Variants in SLC35F4 observed in about 807,000 individuals in gnomAD.
The protein encoded by SLC35F4 is solute carrier family 35 member F4.
A neutral mutation model predicts 44.2 loss-of-function variants in SLC35F4; 24 were observed. That is an observed-to-expected ratio of 0.54 (90% CI 0.39 to 0.76). The LOEUF (loss-of-function observed/expected upper bound fraction) is 0.76, where lower values mean the gene tolerates loss of function less well. Among genes scored for constraint, SLC35F4 ranks in the 30% least tolerant of loss-of-function variants. The probability of loss-of-function intolerance (pLI) is 0.00; values close to 1 mark genes in which losing one functional copy is unlikely to be tolerated. For synonymous variants in SLC35F4, 238 were observed against 223.6 expected, an observed-to-expected ratio of 1.06 and a Z score of -0.57; for missense variants, 562 against 586.1, an observed-to-expected ratio of 0.96 and a Z score of 0.42.
At chr14:57,791,503 G>A (rs964239993) in intron 1 of SLC35F4, among the ~76,000 whole-genome samples, 3 of 152,186 alleles carry the variant, frequency 2.0e-5, no homozygotes, top group Non-Finnish European at 1.5e-5. Flanking sequence ...AGGATGTGGA[G>A]AAAGAGGAAT....
intron 1 of SLC35F4, among the ~76,000 whole-genome samples, chr14:57,747,184 G>A (rs1289435295): frequency 6.6e-6 from 1 of 152,156 alleles, no homozygotes; most frequent in Non-Finnish European, 1.5e-5. Flanking sequence ...CAAAGGGCCT[G>A]GCTGTTATGA....
intron 1 of SLC35F4, among the ~76,000 whole-genome samples, chr14:57,873,046 C>T (rs952218464): frequency 3.3e-5 from 5 of 152,166 alleles, no homozygotes; most frequent in Non-Finnish European, 5.9e-5. Flanking sequence ...GCAGCTGTAA[C>T]AGTAGTTGCA....
intron 1 of SLC35F4, among the ~76,000 whole-genome samples, chr14:57,671,062 G>GC (rs199905957): frequency 0.026 from 3,889 of 151,770 alleles, 183 homozygotes; most frequent in African/African-American, 0.088. Flanking sequence ...ACACCACCAT[G>GC]CCACCTAATT....
chr14:57,782,525 A>G (rs990732995), intron 1 of SLC35F4, among the ~76,000 whole-genome samples: 4 of 152,222 alleles, frequency 2.6e-5, no homozygotes, highest in East Asian at 3.8e-4. Flanking sequence ...GAGACCATAC[A>G]TGGTGGTGTT....
intron 1 of SLC35F4, among the ~76,000 whole-genome samples, chr14:57,957,674 G>A (rs1890264076): frequency 6.6e-6 from 1 of 152,114 alleles, no homozygotes; most frequent in African/African-American, 2.4e-5. Context: ...CCAGAGGATA[G>A]AGGCAGAGAA....
intron 1 of SLC35F4, among the ~76,000 whole-genome samples, chr14:57,729,326 C>T (rs921787401): frequency 6.6e-6 from 1 of 152,232 alleles, no homozygotes; most frequent in African/African-American, 2.4e-5. Context: ...TTTACCGTAG[C>T]CACAAGAGCT....
At chr14:57,957,278 G>A (rs879477137) in intron 1 of SLC35F4, among the ~76,000 whole-genome samples, 6 of 152,034 alleles carry the variant, frequency 3.9e-5, no homozygotes, top group Non-Finnish European at 7.4e-5. Context: ...ATCACACACC[G>A]GGGACTGTCA....
intron 1 of SLC35F4, among the ~76,000 whole-genome samples, chr14:57,676,796 A>T (rs2074710107): frequency 6.6e-6 from 1 of 152,050 alleles, no homozygotes; most frequent in South Asian, 2.1e-4. Flanking sequence ...AAAAGAGAAC[A>T]CTTTTACACT....
intron 1 of SLC35F4, among the ~76,000 whole-genome samples, chr14:57,843,141 C>T (rs532102778): frequency 6.6e-5 from 10 of 152,166 alleles, no homozygotes; most frequent in Non-Finnish European, 1.5e-4. Context: ...GGCTTCCTTG[C>T]TCCTCAGCTT....
At chr14:57,630,605 C>A in intron 1 of SLC35F4, 1 of 850,560 alleles carries the variant, frequency 1.2e-6, no homozygotes, top group South Asian at 1.3e-5. Flanking sequence ...CACCTAGATC[C>A]AAATCTCAGT....
At chr14:57,740,407 T>G (rs2076575831) in intron 1 of SLC35F4, among the ~76,000 whole-genome samples, 1 of 152,236 alleles carries the variant, frequency 6.6e-6, no homozygotes, top group Admixed American at 6.5e-5. Context: ...CCAAATAGGC[T>G]GGAACTCTTA....
chr14:57,830,169 T>C (rs1205544966), intron 1 of SLC35F4, among the ~76,000 whole-genome samples: 1 of 152,204 alleles, frequency 6.6e-6, no homozygotes, highest in African/African-American at 2.4e-5. Context: ...AGAAAGTGTT[T>C]ATGTAGCATT....
chr14:57,594,416 T>G (rs981708020), intron 1 of SLC35F4, among the ~76,000 whole-genome samples: 3 of 152,158 alleles, frequency 2.0e-5, no homozygotes, highest in African/African-American at 7.2e-5. Flanking sequence ...TGAAGTAGAT[T>G]TTAAAGGCCT....
At chr14:57,617,209 C>A (rs889403811) in intron 1 of SLC35F4, among the ~76,000 whole-genome samples, 1 of 145,536 alleles carries the variant, frequency 6.9e-6, no homozygotes. Flanking sequence ...CGGCTCACTG[C>A]AACCTCCACC....
At chr14:57,572,593 C>A (rs977160967) in intron 4 of SLC35F4, among the ~76,000 whole-genome samples, 1 of 152,218 alleles carries the variant, frequency 6.6e-6, no homozygotes, top group Non-Finnish European at 1.5e-5. Context: ...TGAGTCTGCA[C>A]TGTCACTTGG....
chr14:57,706,341 T>C (rs1016245664), intron 1 of SLC35F4, among the ~76,000 whole-genome samples: 3 of 152,116 alleles, frequency 2.0e-5, no homozygotes, highest in African/African-American at 4.8e-5. Context: ...AAGAATTCTA[T>C]AGGAAAAAGC....
chr14:57,711,819 A>G (rs1164945043), intron 1 of SLC35F4, among the ~76,000 whole-genome samples: 1 of 152,202 alleles, frequency 6.6e-6, no homozygotes, highest in East Asian at 1.9e-4. Context: ...AACAAATCCA[A>G]TGTACCCCAG....
chr14:57,788,654 C>A (rs2077830135), intron 1 of SLC35F4, among the ~76,000 whole-genome samples: 1 of 151,816 alleles, frequency 6.6e-6, no homozygotes, highest in African/African-American at 2.4e-5. Flanking sequence ...AAATAATTTG[C>A]TGTTGTGGAT....
chr14:57,722,927 G>T (rs2076119715), intron 1 of SLC35F4, among the ~76,000 whole-genome samples: 1 of 152,264 alleles, frequency 6.6e-6, no homozygotes, highest in South Asian at 2.1e-4. Flanking sequence ...TTCCCTTGAG[G>T]AAGGACCCCA....
Sources: gnomAD v4.1 joint callset for allele counts (sites outside exome capture counted in the v4.1 genomes callset) on GRCh38, gnomAD v4.1.1 for gene constraint, MANE v1.5 for transcripts, NCBI Gene and HGNC (gene_info 2026-07-23, HGNC 2026-07-21) for gene names.